The following BIRC6 variants were observed in gnomAD, a reference collection of about 807,000 sequenced individuals.
BIRC6 encodes the protein dual E2 ubiquitin-conjugating enzyme/E3 ubiquitin-protein ligase BIRC6.
Under a neutral mutation model 503.3 loss-of-function variants are expected in BIRC6, and 98 were observed. The observed-to-expected ratio is 0.19, with a 90% confidence interval of 0.17 to 0.23. BIRC6 has a LOEUF of 0.23. BIRC6 is among the 10% of genes least tolerant of loss of function. BIRC6 has a pLI of 1.00. For missense variants in BIRC6, 5,360 were observed against 5,806.0 expected (o/e 0.92, Z 2.50); for synonymous variants, 2,240 against 2,078.7 (o/e 1.08, Z -2.11).
chr2:32,436,852 C>T (rs1307448976), intron 15 of BIRC6, among the ~76,000 whole-genome samples: 6 of 151,544 alleles, frequency 4.0e-5, no homozygotes, highest in Admixed American at 6.6e-5. Flanking sequence ...GCGTCAGCAC[C>T]GCACCTGGCC....
intron 2 of BIRC6, 132 bp from the exon 3 acceptor site, chr2:32,380,021 A>G (rs759311256): frequency 1.9e-5 from 10 of 523,426 alleles, no homozygotes; most frequent in Admixed American, 3.9e-5. Flanking sequence ...AGATTTGTTA[A>G]AAGGTAAGTT....
At chr2:32,442,849 A>G (rs1331741353) in intron 19 of BIRC6, among the ~76,000 whole-genome samples, 2 of 151,880 alleles carry the variant, frequency 1.3e-5, no homozygotes, top group Non-Finnish European at 2.9e-5. Flanking sequence ...CTTTTTTTCT[A>G]AACCCTGAAA....
At chr2:32,520,050 T>C (rs908103014) in intron 57 of BIRC6, among the ~76,000 whole-genome samples, 1 of 152,242 alleles carries the variant, frequency 6.6e-6, no homozygotes, top group African/African-American at 2.4e-5. Context: ...TAAGTAGATA[T>C]ATTTCTATCT....
At chr2:32,551,128 G>A in intron 65 of BIRC6, among the ~76,000 whole-genome samples, 1 of 151,740 alleles carries the variant, frequency 6.6e-6, no homozygotes, top group African/African-American at 2.4e-5. Flanking sequence ...ACGGTAGCAT[G>A]CCTCCTAAAT....
intron 65 of BIRC6, among the ~76,000 whole-genome samples, chr2:32,555,714 C>T (rs2058725284): frequency 6.6e-6 from 1 of 150,876 alleles, no homozygotes; most frequent in Admixed American, 6.6e-5. Flanking sequence ...CTCACATCTG[C>T]AATCCCAGCA....
chr2:32,413,904 A>G (rs1384587152), intron 9 of BIRC6, among the ~76,000 whole-genome samples: 1 of 152,202 alleles, frequency 6.6e-6, no homozygotes, highest in African/African-American at 2.4e-5. Context: ...GTAAATACTG[A>G]GTAAAAAGTT....
chr2:32,550,863 C>T (rs1245096729), intron 65 of BIRC6, among the ~76,000 whole-genome samples: 1 of 152,032 alleles, frequency 6.6e-6, no homozygotes, highest in Non-Finnish European at 1.5e-5. Context: ...TATGGAATTG[C>T]AGAGACTTAG....
At chr2:32,401,135 A>T (rs2040559887) in intron 6 of BIRC6, 28 bp from the exon 7 acceptor site, 2 of 1,582,162 alleles carry the variant, frequency 1.3e-6, no homozygotes, top group African/African-American at 2.7e-5. Context: ...ATTTTTAGTA[A>T]ACTTTTCCTT....
intron 66 of BIRC6, among the ~76,000 whole-genome samples, chr2:32,592,651 A>G (rs1369963277): frequency 6.6e-6 from 1 of 151,534 alleles, no homozygotes; most frequent in African/African-American, 2.4e-5. Context: ...GCTGGAGTGT[A>G]ATGACGTGAT....
intron 1 of BIRC6, among the ~76,000 whole-genome samples, chr2:32,365,967 C>G (rs1396152884): frequency 2.0e-5 from 3 of 152,054 alleles, no homozygotes; most frequent in African/African-American, 7.2e-5. Context: ...TCACTGTAAA[C>G]TCTGCCTCCT....
chr2:32,383,430 A>G (rs548432299), intron 3 of BIRC6, among the ~76,000 whole-genome samples: 1 of 152,306 alleles, frequency 6.6e-6, no homozygotes, highest in Non-Finnish European at 1.5e-5. Flanking sequence ...CCTGTTCCTT[A>G]TTAGCTCTGT....
chr2:32,506,605 T>C (rs1572686548), intron 50 of BIRC6, among the ~76,000 whole-genome samples: 1 of 152,236 alleles, frequency 6.6e-6, no homozygotes, highest in African/African-American at 2.4e-5. Flanking sequence ...ATTTTTCATA[T>C]GGGAATTGAA....
intron 51 of BIRC6, among the ~76,000 whole-genome samples, chr2:32,508,951 G>T (rs571788935): frequency 6.6e-6 from 1 of 152,090 alleles, no homozygotes; most frequent in East Asian, 1.9e-4. Context: ...GGGCATGGCG[G>T]TGTGCTGCTT....
chr2:32,381,718 G>A (rs1161560221), intron 3 of BIRC6, among the ~76,000 whole-genome samples: 2 of 151,892 alleles, frequency 1.3e-5, no homozygotes, highest in Admixed American at 6.6e-5. Context: ...GCTAATTTTT[G>A]TATTTTTAGT....
intron 5 of BIRC6, among the ~76,000 whole-genome samples, chr2:32,392,722 C>G (rs1479994697): frequency 6.6e-6 from 1 of 152,126 alleles, no homozygotes; most frequent in Non-Finnish European, 1.5e-5. Flanking sequence ...TTCCCAGGCA[C>G]AGGTGATCCG....
At chr2:32,372,954 G>T (rs998150684) in intron 1 of BIRC6, among the ~76,000 whole-genome samples, 4 of 152,156 alleles carry the variant, frequency 2.6e-5, no homozygotes, top group African/African-American at 9.7e-5. Flanking sequence ...TATGTCTCCA[G>T]GGTAAATACA....
At chr2:32,419,041 A>G (rs1271979274) in intron 10 of BIRC6, among the ~76,000 whole-genome samples, 1 of 152,240 alleles carries the variant, frequency 6.6e-6, no homozygotes, top group Non-Finnish European at 1.5e-5. Context: ...ATCTCATGTG[A>G]TAGGGAATTT....
intron 39 of BIRC6, among the ~76,000 whole-genome samples, chr2:32,484,284 T>TA (rs113818689): frequency 1 from 152,248 of 152,250 alleles, 76,123 homozygotes; most frequent in Middle Eastern, 1. Flanking sequence ...CCAGGTGCGG[T>TA]GGTCACGCCT....
intron 66 of BIRC6, chr2:32,590,865 C>T (rs2061347616): frequency 2.0e-6 from 2 of 985,812 alleles, no homozygotes; most frequent in Non-Finnish European, 2.4e-6. Context: ...TGGTAGCGGC[C>T]GTCGCTGATT....
Sources: gnomAD v4.1 joint callset for allele counts (sites outside exome capture counted in the v4.1 genomes callset) on GRCh38, gnomAD v4.1.1 for gene constraint, MANE v1.5 for transcripts, NCBI Gene and HGNC (gene_info 2026-07-23, HGNC 2026-07-21) for gene names.